The following KCNJ3 variants were observed in gnomAD, a reference collection of about 807,000 sequenced individuals.
KCNJ3 encodes the protein potassium inwardly rectifying channel subfamily J member 3.
KCNJ3 carries 4 observed loss-of-function variants against 39.2 expected under a neutral mutation model. The observed-to-expected ratio is 0.10, with a 90% CI of 0.05 to 0.23. The LOEUF is 0.23. Ranked by LOEUF, KCNJ3 falls within the 10% of genes least tolerant of loss-of-function variation. The pLI, the probability that KCNJ3 is intolerant of heterozygous loss-of-function variation, is 1.00. For missense variants in KCNJ3, 276 were observed against 634.9 expected (o/e 0.43, Z 6.08); for synonymous variants, 230 against 237.4 (o/e 0.97, Z 0.29).
chr2:154,704,046 T>G (rs1684955932), intron 1 of KCNJ3, among the ~76,000 whole-genome samples: 1 of 152,098 alleles, frequency 6.6e-6, no homozygotes, highest in Non-Finnish European at 1.5e-5. Context: ...TTTAGTCTAG[T>G]TTTTCTTTCT....
chr2:154,736,374 T>TAA lies in KCNJ3; in HGVS notation c.919+26594_919+26595dup, dbSNP rs70983745. On this transcript the variant is annotated intron_variant, in intron 2 of 2. Coordinates refer to ENST00000295101, the MANE Select transcript of KCNJ3 (RefSeq NM_002239.4). ...AGAGAGTGACAGGAGTCACTAGTTCTAAAAAAAAAAAAAAAAAAAAAAAAA... is the reference window on the plus strand; with the variant it reads ...AGAGAGTGACAGGAGTCACTAGTTCTAAAAAAAAAAAAAAAAAAAAAAAAAAA... 5.5e-4 allele frequency among the ~76,000 whole-genome samples: 51 copies of TAA among 93,232 alleles called. 2 individuals are homozygous for TAA. The highest frequency in any genetic ancestry group is 1.0e-3 in the African/African-American group (26 of 25,624). 61.2% of individuals were successfully genotyped at this position (93,232 alleles called of 152,430 possible). A position where few individuals can be genotyped will look rare whatever the true frequency, so the allele number is the denominator to read the frequency against.
rs57495585 is a variant in KCNJ3 at position 154,798,188 on chromosome 2, GCA to G, written c.920-56507_920-56506del. ...CACAAATACCCATCATTCGAACACC[GCA>G]CACACACACACACACACACACACAC... On this transcript the variant is annotated intron_variant, in intron 2 of 2. Coordinates refer to ENST00000295101, the MANE Select transcript of KCNJ3 (RefSeq NM_002239.4). Among the ~76,000 whole-genome samples, 704 of 114,564 alleles carry G rather than the reference GCA, an allele frequency of 6.1e-3. 5 individuals carry two copies. Among genetic ancestry groups the G allele is most frequent in the South Asian group, 0.015 (51 of 3,458 alleles). The allele number at this position is 114,564 out of a possible 152,430, so 75.2% of individuals were successfully genotyped here. A position where few individuals can be genotyped will look rare whatever the true frequency, so the allele number is the denominator to read the frequency against.
chr2:154,716,095 T>TTTA (rs1228469888), intron 2 of KCNJ3, among the ~76,000 whole-genome samples: 1 of 151,420 alleles, frequency 6.6e-6, no homozygotes. Flanking sequence ...TTTTTCATTA[T>TTTA]TTATTATTAT....
chr2:154,723,678 T>C (rs749404141), intron 2 of KCNJ3, among the ~76,000 whole-genome samples: 2 of 152,200 alleles, frequency 1.3e-5, no homozygotes, highest in Non-Finnish European at 2.9e-5. Flanking sequence ...TTCATTTAGC[T>C]TTGTAAAAAA....
chr2:154,828,991 T>A (rs1687316862), intron 2 of KCNJ3, among the ~76,000 whole-genome samples: 1 of 152,156 alleles, frequency 6.6e-6, no homozygotes, highest in Non-Finnish European at 1.5e-5. Flanking sequence ...TAATAAACAC[T>A]TAATAATGAC....
At chr2:154,831,800 TG>T (rs1435101907) in intron 2 of KCNJ3, among the ~76,000 whole-genome samples, 1 of 152,068 alleles carries the variant, frequency 6.6e-6, no homozygotes, top group Non-Finnish European at 1.5e-5. Flanking sequence ...CACATCTAGG[TG>T]GGGATGTATC....
At chr2:154,706,149 C>T (rs568409800) in intron 1 of KCNJ3, among the ~76,000 whole-genome samples, 1 of 151,922 alleles carries the variant, frequency 6.6e-6, no homozygotes, top group Non-Finnish European at 1.5e-5. Flanking sequence ...TTTTAGCGAT[C>T]GCTTTGAATT....
chr2:154,798,816 CT>C (rs1336789443), intron 2 of KCNJ3, among the ~76,000 whole-genome samples: 1 of 152,158 alleles, frequency 6.6e-6, no homozygotes, highest in Non-Finnish European at 1.5e-5. Flanking sequence ...TTATAGCACA[CT>C]GTTTTCATCC....
At chr2:154,836,343 C>G (rs1307656648) in intron 2 of KCNJ3, among the ~76,000 whole-genome samples, 1 of 151,244 alleles carries the variant, frequency 6.6e-6, no homozygotes, top group Non-Finnish European at 1.5e-5. Flanking sequence ...CTGAAAATGT[C>G]AATTTTAAGG....
At chr2:154,723,976 A>G (rs1183548596) in intron 2 of KCNJ3, among the ~76,000 whole-genome samples, 1 of 152,160 alleles carries the variant, frequency 6.6e-6, no homozygotes, top group Non-Finnish European at 1.5e-5. Context: ...AAGCATTTGA[A>G]TCACCCAATT....
intron 2 of KCNJ3, among the ~76,000 whole-genome samples, chr2:154,814,420 C>T (rs1687048364): frequency 6.6e-6 from 1 of 151,980 alleles, no homozygotes. Context: ...GGCAGATCAC[C>T]TGAGGTCAGG....
intron 2 of KCNJ3, among the ~76,000 whole-genome samples, chr2:154,822,014 T>C (rs1400900983): frequency 6.6e-6 from 1 of 152,116 alleles, no homozygotes. Context: ...AATCATTCTA[T>C]TTTCTTAATT....
intron 2 of KCNJ3, among the ~76,000 whole-genome samples, chr2:154,837,364 A>AAAGTC (rs1475573681): frequency 2.7e-5 from 4 of 150,762 alleles, no homozygotes; most frequent in Non-Finnish European, 5.9e-5. Flanking sequence ...TGGATGTTTC[A>AAAGTC]AAGTCAATTT....
intron 2 of KCNJ3, among the ~76,000 whole-genome samples, chr2:154,833,637 T>C (rs1687400418): frequency 6.6e-6 from 1 of 152,220 alleles, no homozygotes; most frequent in Non-Finnish European, 1.5e-5. Context: ...ATAACCATCG[T>C]TGTGTATCAA....
At chr2:154,804,947 A>G (rs968473930) in intron 2 of KCNJ3, among the ~76,000 whole-genome samples, 1 of 152,138 alleles carries the variant, frequency 6.6e-6, no homozygotes, top group South Asian at 2.1e-4. Context: ...AAAATTATAG[A>G]GAACACCACA....
At chr2:154,824,374 T>G (rs1259604945) in intron 2 of KCNJ3, among the ~76,000 whole-genome samples, 1 of 152,070 alleles carries the variant, frequency 6.6e-6, no homozygotes, top group African/African-American at 2.4e-5. Flanking sequence ...ACCCTATACT[T>G]GAGAATATAT....
intron 2 of KCNJ3, among the ~76,000 whole-genome samples, chr2:154,821,634 G>GATTTTT (rs1687181625): frequency 1.2e-5 from 1 of 82,510 alleles, no homozygotes; most frequent in Non-Finnish European, 2.7e-5. Flanking sequence ...GAGAATATGT[G>GATTTTT]ATTTTTTTTT....
At chr2:154,729,608 C>A (rs1685417886) in intron 2 of KCNJ3, among the ~76,000 whole-genome samples, 1 of 152,042 alleles carries the variant, frequency 6.6e-6, no homozygotes, top group South Asian at 2.1e-4. Context: ...ATTATATGAA[C>A]CATCTGCAGT....
intron 2 of KCNJ3, among the ~76,000 whole-genome samples, chr2:154,732,791 C>A (rs1685468042): frequency 1.3e-5 from 2 of 152,198 alleles, no homozygotes; most frequent in South Asian, 4.1e-4. Context: ...CTGCTGTAAA[C>A]AATCTGGCAA....
Sources: allele counts gnomAD v4.1 joint callset (sites outside exome capture counted in the v4.1 genomes callset), GRCh38; gene constraint gnomAD v4.1.1; transcripts MANE v1.5; gene names NCBI Gene and HGNC (gene_info 2026-07-23, HGNC 2026-07-21).